Variants in BRD2 observed in about 807,000 individuals in gnomAD.
BRD2 encodes bromodomain-containing protein 2.
Under a neutral mutation model 79.1 loss-of-function variants are expected in BRD2, and 15 were observed. The ratio of observed to expected loss-of-function variants is 0.19; its 90% CI spans 0.13 to 0.29. BRD2 has a LOEUF of 0.29. Among genes scored for constraint, BRD2 ranks in the 10% least tolerant of loss-of-function variants. The pLI, the probability that BRD2 is intolerant of heterozygous loss-of-function variation, is 1.00. For synonymous variants in BRD2, 488 were observed against 358.6 expected (o/e 1.36, Z -4.08); for missense variants, 1,053 against 991.3 (o/e 1.06, Z -0.84).
intron 2 of BRD2, among the ~76,000 whole-genome samples, chr6:32,973,464 T>G (rs1053599509): frequency 2.0e-5 from 3 of 152,062 alleles, no homozygotes; most frequent in Admixed American, 6.6e-5. Flanking sequence ...GTGTGTGGTG[T>G]TTGTTGGTGC....
In BRD2 at chr6:32,980,074, TAGAG is replaced by T; in HGVS notation, c.2091_2094del (p.Arg697SerfsTer39). The T allele has an allele frequency of 6.2e-7, 1 of 1,612,944 alleles. No homozygotes were observed. The highest frequency in any genetic ancestry group is 8.5e-7 in the Non-Finnish European group (1 of 1,180,024). Reference sequence around the variant, plus strand: ...TTGAAACACTCAAGCCATCCACACTTAGAGAGCTTGAGCGCTATGTCCTTTCCTG... The same window carrying T: ...TTGAAACACTCAAGCCATCCACACTTAGCTTGAGCGCTATGTCCTTTCCTG... On this transcript the variant is annotated frameshift_variant, in exon 11 of 13. Transcript: ENST00000374825. LOFTEE classifies it high-confidence loss of function.
intron 1 of BRD2, chr6:32,970,545 T>C (rs1445298001): frequency 1.3e-5 from 2 of 152,324 alleles, no homozygotes; most frequent in Non-Finnish European, 2.9e-5. Flanking sequence ...GTATATTTGT[T>C]CACCTACGTT....
intron 3 of BRD2, 49 bp from the exon 4 acceptor site, chr6:32,975,335 T>C: frequency 6.7e-7 from 1 of 1,484,402 alleles, no homozygotes; most frequent in South Asian, 1.2e-5. Flanking sequence ...GTAGTCTCCC[T>C]ATAAGCATTT....
chr6:32,974,435 G>C (rs372751994), intron 2 of BRD2, 27 bp from the exon 3 acceptor site: 51 of 1,594,292 alleles, frequency 3.2e-5, no homozygotes, highest in Non-Finnish European at 4.2e-5. Context: ...GGACGATATT[G>C]CCCTAATTTT....
At chr6:32,974,400 G>T in intron 2 of BRD2, 62 bp from the exon 3 acceptor site, 1 of 1,522,024 alleles carries the variant, frequency 6.6e-7, no homozygotes, top group Non-Finnish European at 9.0e-7. Flanking sequence ...TCAGACTATT[G>T]TGCAGATGCA....
chr6:32,980,957 C>G lies in BRD2; in HGVS notation c.*239C>G. On this transcript the variant is annotated 3_prime_UTR_variant, in exon 13 of 13. Transcript: ENST00000374825. ...GGGGAGTGATCTCTTGGACACAGAGCCCCCATTCAAAATGGGGCAGGGCAA... is the reference window on the plus strand; with the variant it reads ...GGGGAGTGATCTCTTGGACACAGAGGCCCCATTCAAAATGGGGCAGGGCAA... The G allele has an allele frequency of 1.8e-6, 1 of 556,814 alleles. No homozygotes were observed. Among genetic ancestry groups the G allele is most frequent in the Non-Finnish European group, 3.2e-6 (1 of 312,984 alleles). 34.5% of individuals were successfully genotyped at this position (556,814 alleles called of 1,614,324 possible).
Position 32,975,372 on chromosome 6 carries a change from T to C in BRD2, c.334-12T>C, listed in dbSNP as rs768281179. On this transcript the variant is annotated splice_polypyrimidine_tract_variant and intron_variant, in intron 3 of 12. Transcript: ENST00000374825. ...TTTTTCTGTGGTTCTGACCTAACAT[T>C]TTTTTATTTAGGATTATCACAAAAT... The C allele has an allele frequency of 3.8e-6, 6 of 1,597,574 alleles. No individual in the cohort carries two copies. Among genetic ancestry groups the C allele is most frequent in the Admixed American group, 1.7e-5 (1 of 59,268 alleles).
intron 1 of BRD2, chr6:32,971,233 C>T (rs201159328): frequency 2.0e-5 from 4 of 197,114 alleles, no homozygotes; most frequent in Admixed American, 6.1e-5. Context: ...TAGATGGATG[C>T]GTTTGGAGAT....
rs142646529 is a variant in BRD2 at position 32,973,643 on chromosome 6, C to A, written c.29+716C>A. Among the ~76,000 whole-genome samples, 71 of 152,138 alleles carry A rather than the reference C, an allele frequency of 4.7e-4. No individual in the cohort carries two copies. The East Asian group carries it at 0.012, about 26-fold the overall frequency. On this transcript the variant is annotated intron_variant, in intron 2 of 12. Transcript: ENST00000374825. ...AGCACCAGAGGGACTGTAAATGAAC[C>A]ACTGTTAGCGTTTGGTGTCCGGAGT...
chr6:32,969,201 C>A, intron 1 of BRD2, 145 bp downstream of exon 1: 1 of 482,396 alleles, frequency 2.1e-6, no homozygotes, highest in South Asian at 2.2e-5. Flanking sequence ...CCAATGGGAG[C>A]GTGGAGGGGG....
intron 1 of BRD2, chr6:32,970,732 G>T (rs1407236455): frequency 6.6e-6 from 1 of 152,138 alleles, no homozygotes; most frequent in East Asian, 1.9e-4. Context: ...CCTGACTCTG[G>T]GCTCTGGTTG....
intron 11 of BRD2, 101 bp downstream of exon 11, chr6:32,980,233 A>G: frequency 6.3e-7 from 1 of 1,574,816 alleles, no homozygotes; most frequent in South Asian, 1.2e-5. Context: ...GGATAATGGG[A>G]TGTGTTGGTT....
chr6:32,971,706 C>T lies in BRD2; in HGVS notation c.-1193C>T. 3.8e-6 allele frequency: 2 copies of T among 523,884 alleles called. No homozygotes were observed. The highest frequency in any genetic ancestry group is 6.7e-6 in the Non-Finnish European group (2 of 297,466). The allele number at this position is 523,884 out of a possible 1,614,324, so 32.5% of individuals were successfully genotyped here. A position where few individuals can be genotyped will look rare whatever the true frequency, so the allele number is the denominator to read the frequency against. ...CGCCCACGCGACCCCTCCCGTTTCC[C>T]TGCTTTGGCCAATGGAGGAGCTACG... On this transcript the variant is annotated 5_prime_UTR_variant, in exon 2 of 13. Coordinates refer to ENST00000374825, the MANE Select transcript of BRD2 (RefSeq NM_005104.4).
At position 32,974,655 on chromosome 6, in the gene BRD2, G is replaced by A; in HGVS notation, c.223G>A (p.Val75Ile). The A allele has an allele frequency of 6.2e-7, 1 of 1,614,228 alleles. No homozygotes were observed. Among genetic ancestry groups the A allele is most frequent in the Non-Finnish European group, 8.5e-7 (1 of 1,180,038 alleles). The change falls in exon 3 of 13, where the codon GTT (valine) becomes ATT (isoleucine). Residue 75 changes from valine (V) to isoleucine (I), a missense_variant. Physicochemically the swap from Val to Ile is conservative, Grantham distance 29. This residue lies in a region of BRD2 where 413 missense variants were observed against 335.1 expected (regional missense o/e 1.23). Coordinates refer to ENST00000374825, the MANE Select transcript of BRD2 (RefSeq NM_005104.4). ...GTCCAATCCCAAAAAGCCAGGACGA[G>A]TTACCAACCAGCTGCAATACCTACA... ...EVSNPKKPGR[V>I]TNQLQYLHKV...
chr6:32,971,407 G>A (rs1777955025), intron 1 of BRD2, among the ~76,000 whole-genome samples, 188 bp from the exon 2 acceptor site: 1 of 152,080 alleles, frequency 6.6e-6, no homozygotes, highest in South Asian at 2.1e-4. Context: ...AGTAAATAAT[G>A]TTTTGCTCGT....
chr6:32,972,992 C>T lies in BRD2; in HGVS notation c.29+65C>T. Reference sequence around the variant, plus strand: ...AGGGCGGCGGCACAGGGGTGTGGGGCGCCGTGTTGGGAGTACTGAGCGGCC... The same window carrying T: ...AGGGCGGCGGCACAGGGGTGTGGGGTGCCGTGTTGGGAGTACTGAGCGGCC... On this transcript the variant is annotated intron_variant, in intron 2 of 12. Coordinates refer to ENST00000374825, the MANE Select transcript of BRD2 (RefSeq NM_005104.4). 3 of 1,613,682 alleles carry T rather than the reference C, an allele frequency of 1.9e-6. No individual in the cohort carries two copies. The African/African-American group carries it at 4.0e-5, about 22-fold the overall frequency.
In BRD2 at chr6:32,974,660, C is replaced by T; in HGVS notation, c.228C>T (p.Thr76=). 6.2e-7 allele frequency: 1 copy of T among 1,614,246 alleles called. No homozygotes were observed. The highest frequency in any genetic ancestry group is 8.5e-7 in the Non-Finnish European group (1 of 1,180,044). Reference sequence around the variant, plus strand: ...ATCCCAAAAAGCCAGGACGAGTTACCAACCAGCTGCAATACCTACACAAGG... The same window carrying T: ...ATCCCAAAAAGCCAGGACGAGTTACTAACCAGCTGCAATACCTACACAAGG... ...VSNPKKPGRV[T]NQLQYLHKVV... Residue 76 remains threonine, a synonymous_variant, in exon 3 of 13, where the codon ACC becomes ACT. Transcript: ENST00000374825.
intron 10 of BRD2, 130 bp from the exon 11 acceptor site, chr6:32,979,694 TCTTA>T (rs1779278791): frequency 6.7e-6 from 7 of 1,050,496 alleles, no homozygotes; most frequent in South Asian, 5.1e-5. Flanking sequence ...GTAGCCCACC[TCTTA>T]CTTGGCCATT....
At chr6:32,980,506 T>G (rs1210419915) in intron 12 of BRD2, 42 bp downstream of exon 12, 1 of 1,612,548 alleles carries the variant, frequency 6.2e-7, no homozygotes, top group Non-Finnish European at 8.5e-7. Context: ...GACTCCATCC[T>G]GCCTTCTTGA....
Sources: allele counts gnomAD v4.1 joint callset (sites outside exome capture counted in the v4.1 genomes callset), GRCh38; gene constraint gnomAD v4.1.1; regional missense constraint gnomAD v4.1.1; transcripts MANE v1.5; gene names NCBI Gene and HGNC (gene_info 2026-07-23, HGNC 2026-07-21).